Variants in PTGER3 observed in about 807,000 individuals in gnomAD.
PTGER3 encodes the protein prostaglandin E2 receptor EP3 subtype.
PTGER3 carries 22 observed loss-of-function variants against 34.7 expected under a neutral mutation model. The observed-to-expected ratio is 0.63, with a 90% CI of 0.45 to 0.91. The LOEUF (loss-of-function observed/expected upper bound fraction) is 0.91, where lower values mean the gene tolerates loss of function less well. Ranked by LOEUF, PTGER3 falls within the 40% of genes least tolerant of loss-of-function variation. The pLI, the probability that PTGER3 is intolerant of heterozygous loss-of-function variation, is 0.00. For missense variants in PTGER3, 468 were observed against 519.4 expected, an observed-to-expected ratio of 0.90 and a Z score of 0.96; for synonymous variants, 241 against 230.1, an observed-to-expected ratio of 1.05 and a Z score of -0.43.
At chr1:70,879,383 A>T (rs920731235) in intron 4 of PTGER3, among the ~76,000 whole-genome samples, 1 of 152,104 alleles carries the variant, frequency 6.6e-6, no homozygotes, top group African/African-American at 2.4e-5. Context: ...AGTAGCTGGG[A>T]TTACAAGTGT....
At chr1:70,989,669 G>A (rs1176142342) in intron 2 of PTGER3, among the ~76,000 whole-genome samples, 1 of 152,116 alleles carries the variant, frequency 6.6e-6, no homozygotes, top group Non-Finnish European at 1.5e-5. Flanking sequence ...ATTATAGAAG[G>A]CTGTGCAGTT....
At chr1:70,882,510 C>A (rs1464435994) in intron 4 of PTGER3, among the ~76,000 whole-genome samples, 2 of 152,176 alleles carry the variant, frequency 1.3e-5, no homozygotes, top group African/African-American at 4.8e-5. Context: ...ATAGATCAAT[C>A]TTATTTCTCC....
At chr1:70,913,300 A>T (rs1034693348) in intron 4 of PTGER3, among the ~76,000 whole-genome samples, 15 of 151,938 alleles carry the variant, frequency 9.9e-5, no homozygotes, top group Non-Finnish European at 1.8e-4. Context: ...TTAGTAGTTC[A>T]TTGCTAGTAT....
downstream of PTGER3, among the ~76,000 whole-genome samples, chr1:70,948,368 T>C (rs1650421122): frequency 6.6e-6 from 1 of 152,124 alleles, no homozygotes; most frequent in African/African-American, 2.4e-5. Flanking sequence ...TCCTTCCTGC[T>C]GCCATGTGAA....
intron 4 of PTGER3, among the ~76,000 whole-genome samples, chr1:70,870,630 C>G (rs1025383775): frequency 6.6e-6 from 1 of 152,208 alleles, no homozygotes; most frequent in Non-Finnish European, 1.5e-5. Flanking sequence ...TAGAAGAACT[C>G]AGACCACATC....
chr1:70,905,444 A>T (rs773991693), intron 4 of PTGER3, among the ~76,000 whole-genome samples: 54 of 152,302 alleles, frequency 3.5e-4, no homozygotes, highest in Middle Eastern at 3.4e-3. Flanking sequence ...AGCAGCTGGG[A>T]GGGAGGCTGT....
intron 1 of PTGER3, among the ~76,000 whole-genome samples, chr1:71,032,295 C>T (rs560846763): frequency 6.6e-6 from 1 of 152,214 alleles, no homozygotes; most frequent in South Asian, 2.1e-4. Context: ...TTCTCTGAGC[C>T]TGAATCTTTC....
chr1:70,885,394 ACT>A lies in PTGER3; in HGVS notation c.*24-32537_*24-32536del, dbSNP rs1646476709. The stretch of plus-strand genomic sequence containing the variant: ...TAATTAACCCATGTATGTACATAAC[ACT>A]CTAAGAAAGATACAAAGAATATAAT... On this transcript the variant is annotated intron_variant, in intron 4 of 4. Transcript: ENST00000370931. Among the ~76,000 whole-genome samples, 6 of 152,134 alleles carry A rather than the reference ACT, an allele frequency of 3.9e-5. No homozygotes were observed. The South Asian group carries it at 1.2e-3, about 32-fold the overall frequency.
At chr1:70,852,705 T>C in exon 5 of PTGER3, 2 of 1,057,078 alleles carry the variant, frequency 1.9e-6, no homozygotes, top group South Asian at 2.7e-5. Flanking sequence ...ATAACAGTTA[T>C]ATTTGGGGGT....
chr1:71,027,371 C>T (rs1461416277), intron 1 of PTGER3, among the ~76,000 whole-genome samples: 4 of 152,102 alleles, frequency 2.6e-5, no homozygotes, highest in Non-Finnish European at 5.9e-5. Flanking sequence ...CTACATTGCT[C>T]AGGCTAGTCT....
chr1:70,912,693 T>C (rs1407756010), intron 4 of PTGER3, among the ~76,000 whole-genome samples: 3 of 152,054 alleles, frequency 2.0e-5, no homozygotes, highest in South Asian at 2.1e-4. Context: ...TATTTTGTCA[T>C]GTTTTTGTTT....
intron 4 of PTGER3, among the ~76,000 whole-genome samples, chr1:70,871,707 A>C (rs957668837): frequency 6.6e-6 from 1 of 152,200 alleles, no homozygotes; most frequent in African/African-American, 2.4e-5. Context: ...ATGTGAATGC[A>C]AACCTTATTA....
chr1:70,972,594 A>C (rs1653204836), intron 3 of PTGER3, among the ~76,000 whole-genome samples: 1 of 152,066 alleles, frequency 6.6e-6, no homozygotes, highest in African/African-American at 2.4e-5. Flanking sequence ...ATGATACAGT[A>C]ATATTTTCAT....
At chr1:70,982,990 A>G (rs1278173357) in intron 2 of PTGER3, among the ~76,000 whole-genome samples, 1 of 152,168 alleles carries the variant, frequency 6.6e-6, no homozygotes, top group Non-Finnish European at 1.5e-5. Flanking sequence ...ACAAATTTCT[A>G]AAAAGAGGCT....
exon 5 of PTGER3, chr1:70,852,748 T>G (rs1645708797): frequency 4.1e-6 from 6 of 1,450,004 alleles, no homozygotes; most frequent in Non-Finnish European, 5.8e-6. Flanking sequence ...GAGAATAGTT[T>G]GGGAGGTGGG....
intron 1 of PTGER3, among the ~76,000 whole-genome samples, chr1:71,046,474 G>T (rs1660824883): frequency 6.6e-6 from 1 of 152,138 alleles, no homozygotes; most frequent in African/African-American, 2.4e-5. Context: ...TGCCTAATGC[G>T]AATCCTGGCT....
At chr1:70,908,060 G>A (rs966865068) in intron 4 of PTGER3, among the ~76,000 whole-genome samples, 7 of 152,212 alleles carry the variant, frequency 4.6e-5, no homozygotes, top group South Asian at 4.2e-4. Context: ...TCCAATAGTC[G>A]GCACTTGCAT....
At chr1:71,005,952 T>TCGAA in intron 2 of PTGER3, 6 of 597,500 alleles carry the variant, frequency 1.0e-5, no homozygotes, top group Non-Finnish European at 1.3e-5. Flanking sequence ...ATATAATGTA[T>TCGAA]ACTGGTCAGA....
At chr1:70,981,400 C>T (rs144736132) in intron 2 of PTGER3, among the ~76,000 whole-genome samples, 49 of 82,186 alleles carry the variant, frequency 6.0e-4, no homozygotes, top group East Asian at 4.8e-3. Flanking sequence ...TCTTTCCTTC[C>T]TTCCTTCCTT....
Sources: allele counts gnomAD v4.1 joint callset (sites outside exome capture counted in the v4.1 genomes callset), GRCh38; gene constraint gnomAD v4.1.1; transcripts MANE v1.5; gene names NCBI Gene and HGNC (gene_info 2026-07-23, HGNC 2026-07-21).